Variants in CNGB3 observed in about 807,000 individuals in gnomAD.
The protein encoded by CNGB3 is cyclic nucleotide-gated channel beta-3.
A neutral mutation model predicts 92.8 loss-of-function variants in CNGB3; 86 were observed. The observed-to-expected ratio is 0.93, with a 90% confidence interval of 0.78 to 1.11. The LOEUF is 1.11. Among genes scored for constraint, CNGB3 ranks in the 50% least tolerant of loss-of-function variants. CNGB3 has a pLI of 0.00. For missense variants in CNGB3, 1,026 were observed against 956.8 expected (o/e 1.07, Z -0.95); for synonymous variants, 333 against 332.7 (o/e 1.00, Z -0.01).
intron 2 of CNGB3, among the ~76,000 whole-genome samples, chr8:86,729,735 G>T (rs1825127307): frequency 6.6e-6 from 1 of 152,212 alleles, no homozygotes; most frequent in Non-Finnish European, 1.5e-5. Flanking sequence ...TGTGGAAACA[G>T]ATGGTCAGAG....
intron 12 of CNGB3, among the ~76,000 whole-genome samples, 172 bp downstream of exon 12, chr8:86,628,747 A>G (rs868612243): frequency 6.8e-6 from 1 of 145,986 alleles, no homozygotes; most frequent in Non-Finnish European, 1.5e-5. Flanking sequence ...AACCAGTAAG[A>G]TATTTATATT....
intron 14 of CNGB3, among the ~76,000 whole-genome samples, chr8:86,607,649 C>T (rs1390848947): frequency 2.0e-5 from 3 of 152,066 alleles, no homozygotes; most frequent in African/African-American, 7.2e-5. Flanking sequence ...AATGAGGTCC[C>T]AGAAATTGGT....
Position 86,715,974 on chromosome 8 carries a change from A to G in CNGB3, c.338+10557T>C, listed in dbSNP as rs1261790568. ...CATGTACCCTAAAACTTAAAGTATA[A>G]TAATAATAAAAAAAATTAAAAAACA... is the stretch of plus-strand genomic sequence containing the variant. On this transcript the variant is annotated intron_variant, in intron 3 of 17. Transcript: ENST00000320005. 2.6e-5 allele frequency among the ~76,000 whole-genome samples: 4 copies of G among 152,108 alleles called. No individual in the cohort carries two copies. The South Asian group carries it at 6.2e-4, about 24-fold the overall frequency.
chr8:86,657,747 TCCAGC>T (rs1823541782), intron 6 of CNGB3: 3 of 472,796 alleles, frequency 6.3e-6, no homozygotes, highest in South Asian at 1.7e-5. Context: ...CTCCTGCAGC[TCCAGC>T]AGCTCCAGCA....
chr8:86,629,176 C>T, intron 11 of CNGB3, 98 bp from the exon 12 acceptor site: 3 of 1,294,856 alleles, frequency 2.3e-6, no homozygotes, highest in Non-Finnish European at 2.2e-6. Context: ...CCTTCTAATG[C>T]CCTGATTACT....
At chr8:86,678,802 G>A (rs1399539459) in intron 3 of CNGB3, among the ~76,000 whole-genome samples, 2 of 152,012 alleles carry the variant, frequency 1.3e-5, no homozygotes, top group East Asian at 1.9e-4. Flanking sequence ...ACACCCATAT[G>A]TACACACACC....
intron 3 of CNGB3, among the ~76,000 whole-genome samples, chr8:86,710,171 G>A (rs1043020113): frequency 1.3e-5 from 2 of 152,144 alleles, no homozygotes; most frequent in Non-Finnish European, 2.9e-5. Context: ...TTACTTTTAG[G>A]TTGCTTGTAA....
At chr8:86,598,898 T>C (rs1174711973) in intron 15 of CNGB3, among the ~76,000 whole-genome samples, 5 of 152,114 alleles carry the variant, frequency 3.3e-5, no homozygotes, top group Admixed American at 3.3e-4. Flanking sequence ...TTAGGTCACA[T>C]ACACAAGTTC....
chr8:86,729,753 A>G (rs1248933838), intron 2 of CNGB3, among the ~76,000 whole-genome samples: 1 of 152,228 alleles, frequency 6.6e-6, no homozygotes, highest in Non-Finnish European at 1.5e-5. Context: ...GAGTGTTTGC[A>G]TCATCCTCAT....
intron 3 of CNGB3, among the ~76,000 whole-genome samples, chr8:86,699,546 G>A (rs1586024688): frequency 6.6e-6 from 1 of 152,132 alleles, no homozygotes; most frequent in Admixed American, 6.6e-5. Context: ...CATTTCCAAT[G>A]AGCCATTTAT....
Position 86,579,203 on chromosome 8 carries a change from G to A in CNGB3, c.1831C>T (p.His611Tyr). 1 of 1,614,094 alleles carries A rather than the reference G, an allele frequency of 6.2e-7. No individual in the cohort carries two copies. Among genetic ancestry groups the A allele is most frequent in the East Asian group, 2.2e-5 (1 of 44,862 alleles). The change falls in exon 16 of 18, where the codon CAC (histidine) becomes TAC (tyrosine). Residue 611 changes from histidine to tyrosine, a missense_variant. His to Tyr is a moderately conservative substitution (Grantham distance 83, BLOSUM62 2). Coordinates refer to ENST00000320005, the MANE Select transcript of CNGB3 (RefSeq NM_019098.5). The part of the protein sequence containing the change: ...GNRRTANVVA[H>Y]GFANLLTLDK... ...AGAGTTAAAAGATTGGCAAACCCGT[G>A]GGCCACCACATTGGCAGTTCGACGG... is the stretch of plus-strand genomic sequence containing the variant.
intron 14 of CNGB3, among the ~76,000 whole-genome samples, chr8:86,605,496 G>A (rs914380095): frequency 6.6e-6 from 1 of 152,078 alleles, no homozygotes; most frequent in African/African-American, 2.4e-5. Flanking sequence ...TCACTTACTT[G>A]GCTTAGGAGG....
Position 86,647,881 on chromosome 8 carries a change from C to T in CNGB3, c.910G>A (p.Val304Ile), listed in dbSNP as rs1454679758. Residue 304 changes from valine to isoleucine, a missense_variant, in exon 8 of 18, where the codon GTC (valine) becomes ATC (isoleucine). Val to Ile is a conservative substitution (Grantham distance 29). Coordinates refer to ENST00000320005, the MANE Select transcript of CNGB3 (RefSeq NM_019098.5). ...ATATCAAATGGTATTATTGATGCGA[C>T]ATCCAACTGTTGAAAGAACACATTC... ...YRTSTKFQLD[V>I]ASIIPFDICY... 3 of 1,585,340 alleles carry T rather than the reference C, an allele frequency of 1.9e-6. No individual in the cohort carries two copies. Among genetic ancestry groups the T allele is most frequent in the South Asian group, 2.2e-5 (2 of 90,384 alleles).
At chr8:86,586,697 T>C (rs1821901555) in intron 15 of CNGB3, among the ~76,000 whole-genome samples, 1 of 151,128 alleles carries the variant, frequency 6.6e-6, no homozygotes, top group South Asian at 2.1e-4. Flanking sequence ...TAGTATTCCA[T>C]GGTGTATATG....
In CNGB3 at chr8:86,718,167, G is replaced by A. The variant is rs564009226; in HGVS notation, c.338+8364C>T. Among the ~76,000 whole-genome samples, 36 of 152,042 alleles carry A rather than the reference G, an allele frequency of 2.4e-4. No homozygotes were observed. In the South Asian group the frequency reaches 6.2e-3, roughly 26 times the overall value. ...AGAAGAAAAGAAATAACCAAGATCAGAGCAGAACTAAATGAACCTGAAACA... is the reference window on the plus strand; with the variant it reads ...AGAAGAAAAGAAATAACCAAGATCAAAGCAGAACTAAATGAACCTGAAACA... On this transcript the variant is annotated intron_variant, in intron 3 of 17. Transcript: ENST00000320005.
intron 13 of CNGB3, among the ~76,000 whole-genome samples, chr8:86,617,553 G>T (rs1297566508): frequency 6.6e-6 from 1 of 152,136 alleles, no homozygotes; most frequent in African/African-American, 2.4e-5. Context: ...TAGCTGTTGG[G>T]ACCAGCAAAG....
intron 13 of CNGB3, among the ~76,000 whole-genome samples, chr8:86,618,502 T>C (rs183875394): frequency 6.8e-6 from 1 of 147,896 alleles, no homozygotes. Flanking sequence ...GTTATCTCAT[T>C]TATTTAGTAT....
chr8:86,636,806 CTT>C lies in CNGB3; in HGVS notation c.1179-3915_1179-3914del, dbSNP rs546863917. The stretch of plus-strand genomic sequence containing the variant: ...ACTCTCTACTACTACGAAATTGACT[CTT>C]TTAGATTCCACATACAAGTGAGGTC... On this transcript the variant is annotated intron_variant, in intron 10 of 17. Transcript: ENST00000320005. Among the ~76,000 whole-genome samples the C allele has an allele frequency of 1.9e-4, 29 of 152,176 alleles. No homozygotes were observed. The South Asian group carries it at 6.0e-3, about 32-fold the overall frequency.
intron 15 of CNGB3, among the ~76,000 whole-genome samples, chr8:86,586,010 G>T (rs148816385): frequency 4.6e-5 from 7 of 152,146 alleles, no homozygotes; most frequent in African/African-American, 1.7e-4. Flanking sequence ...TTCTCAGAGA[G>T]GCTTTGATAA....
Sources: allele counts gnomAD v4.1 joint callset (sites outside exome capture counted in the v4.1 genomes callset), GRCh38; gene constraint gnomAD v4.1.1; transcripts MANE v1.5; gene names NCBI Gene and HGNC (gene_info 2026-07-23, HGNC 2026-07-21).